Variants in DPP6 observed in about 807,000 individuals in gnomAD.
The protein encoded by DPP6 is dipeptidyl peptidase like 6.
A neutral mutation model predicts 122.6 loss-of-function variants in DPP6; 69 were observed. The ratio of observed to expected loss-of-function variants is 0.56; its 90% CI spans 0.46 to 0.69. DPP6 has a LOEUF of 0.69. Ranked by LOEUF, DPP6 falls within the 30% of genes least tolerant of loss-of-function variation. The probability of loss-of-function intolerance (pLI) is 0.00; values close to 1 mark genes in which losing one functional copy is unlikely to be tolerated. For missense variants in DPP6, 928 were observed against 1,116.9 expected (o/e 0.83, Z 2.41); for synonymous variants, 418 against 433.1 (o/e 0.97, Z 0.43).
intron 1 of DPP6, among the ~76,000 whole-genome samples, chr7:154,153,566 C>A (rs1796531370): frequency 6.6e-6 from 1 of 152,130 alleles, no homozygotes; most frequent in Non-Finnish European, 1.5e-5. Context: ...CTGAAATGGC[C>A]ACAGCTGACA....
chr7:154,087,433 A>G (rs2150542026), intron 1 of DPP6, among the ~76,000 whole-genome samples: 1 of 152,348 alleles, frequency 6.6e-6, no homozygotes, highest in African/African-American at 2.4e-5. Context: ...GAAGGACTGA[A>G]TATGGGTTGG....
chr7:153,942,656 GC>G (rs1179510955), intron 1 of DPP6, among the ~76,000 whole-genome samples: 1 of 152,166 alleles, frequency 6.6e-6, no homozygotes, highest in Non-Finnish European at 1.5e-5. Context: ...GTACATCTAG[GC>G]CTGTCTGTGT....
rs369580371 is a variant in DPP6, at chr7:153,888,811, G to C, written c.51+1077G>C. 1.8e-4 allele frequency among the ~76,000 whole-genome samples: 27 copies of C among 147,758 alleles called. No homozygotes were observed. The East Asian group carries it at 5.0e-3, about 28-fold the overall frequency. Reference sequence around the variant, plus strand: ...TGCAGATGCTACTTTTGAGGGTTCCGTAAGAATTGAAGAAATTCTTTCAGG... The same window carrying C: ...TGCAGATGCTACTTTTGAGGGTTCCCTAAGAATTGAAGAAATTCTTTCAGG... On this transcript the variant is annotated intron_variant, in intron 1 of 25. Transcript: ENST00000404039.
intron 1 of DPP6, among the ~76,000 whole-genome samples, chr7:154,274,479 A>C (rs1803998200): frequency 1.3e-5 from 2 of 152,158 alleles, no homozygotes; most frequent in African/African-American, 4.8e-5. Context: ...CCTGCCTGTC[A>C]ACATGGCCAC....
intron 6 of DPP6, among the ~76,000 whole-genome samples, chr7:154,654,420 T>G (rs1487201880): frequency 7.2e-6 from 1 of 139,026 alleles, no homozygotes; most frequent in Non-Finnish European, 1.6e-5. Context: ...TTTCTTTCTT[T>G]CTTTCTTTCT....
chr7:154,287,180 A>G (rs1251852395), intron 1 of DPP6, among the ~76,000 whole-genome samples: 4 of 152,230 alleles, frequency 2.6e-5, no homozygotes, highest in Non-Finnish European at 5.9e-5. Flanking sequence ...CCCAACAGGA[A>G]GACATCTTAC....
intron 1 of DPP6, among the ~76,000 whole-genome samples, chr7:153,908,162 C>G (rs190710267): frequency 1.3e-5 from 2 of 151,776 alleles, no homozygotes; most frequent in Admixed American, 6.6e-5. Flanking sequence ...CGTGCATCAC[C>G]ACTTGTGCAA....
At chr7:154,308,979 C>G (rs533324639) in intron 1 of DPP6, among the ~76,000 whole-genome samples, 3 of 152,218 alleles carry the variant, frequency 2.0e-5, no homozygotes, top group Non-Finnish European at 4.4e-5. Flanking sequence ...CAAATGCACA[C>G]ACGTGAACAG....
At chr7:154,853,755 C>T in intron 16 of DPP6, 25 bp from the exon 17 acceptor site, 1 of 1,605,800 alleles carries the variant, frequency 6.2e-7, no homozygotes. Flanking sequence ...TTGTTTTCTT[C>T]CTGGCTATTC....
intron 1 of DPP6, among the ~76,000 whole-genome samples, chr7:153,970,502 G>A (rs541334262): frequency 3.7e-4 from 57 of 152,224 alleles, no homozygotes; most frequent in African/African-American, 1.4e-3. Flanking sequence ...TTTTCACCAA[G>A]TCTAATTTAT....
rs73726865 is a variant in DPP6 at position 154,403,879 on chromosome 7, C to T, written c.244-42335C>T. 0.088 allele frequency among the ~76,000 whole-genome samples: 13,462 copies of T among 152,202 alleles called. 686 individuals are homozygous for T. Among genetic ancestry groups the T allele is most frequent in the East Asian group, 0.12 (644 of 5,174 alleles). ...TCTTTCTTTGGAAGCATTTCATTTC[C>T]TTTTCTAGAAAATTTGGAGCTGAAG... is the stretch of plus-strand genomic sequence containing the variant. On this transcript the variant is annotated intron_variant, in intron 1 of 25. Coordinates refer to ENST00000377770, the MANE Select transcript of DPP6 (RefSeq NM_130797.4). The surrounding 1 kb of genome is among the most constrained non-coding windows in gnomAD (Gnocchi z 4.1).
At chr7:154,730,430 A>G (rs891104532) in intron 8 of DPP6, among the ~76,000 whole-genome samples, 7 of 152,306 alleles carry the variant, frequency 4.6e-5, no homozygotes, top group African/African-American at 1.7e-4. Context: ...CTTCCTGAGG[A>G]CTGTGTGAGA....
intron 1 of DPP6, among the ~76,000 whole-genome samples, chr7:154,346,514 C>T (rs1810410227): frequency 6.6e-6 from 1 of 152,094 alleles, no homozygotes; most frequent in African/African-American, 2.4e-5. Flanking sequence ...ACCATGTTGG[C>T]CAGGCTGCTC....
At chr7:154,196,522 TAGTGA>T (rs1432027250) in intron 1 of DPP6, among the ~76,000 whole-genome samples, 1 of 152,182 alleles carries the variant, frequency 6.6e-6, no homozygotes, top group Non-Finnish European at 1.5e-5. Context: ...AATGTTCATT[TAGTGA>T]ATGAGTAAAT....
chr7:154,385,368 G>GGAGAATCAAGAACTTCA (rs1389462696), intron 1 of DPP6, among the ~76,000 whole-genome samples: 8 of 152,148 alleles, frequency 5.3e-5, no homozygotes, highest in Admixed American at 5.2e-4. Context: ...AGTTCTTCAG[G>GGAGAATCAAGAACTTCA]GAGAGAAGAC....
chr7:153,897,485 A>C (rs1584999551), intron 1 of DPP6, among the ~76,000 whole-genome samples: 1 of 152,336 alleles, frequency 6.6e-6, no homozygotes, highest in East Asian at 1.9e-4. Flanking sequence ...GAAGATACAT[A>C]TACATACCTC....
rs189058086 is a variant in DPP6, at chr7:153,906,626, T to A, written c.51+18892T>A. 1.5e-3 allele frequency among the ~76,000 whole-genome samples: 221 copies of A among 152,232 alleles called. 2 individuals carry two copies. The highest frequency in any genetic ancestry group is 3.4e-3 in the Middle Eastern group (1 of 294). On this transcript the variant is annotated intron_variant, in intron 1 of 25. Coordinates refer to the DPP6 transcript ENST00000404039. Reference sequence around the variant, plus strand: ...TTACCATGTCTAGTTAATTTTTGTATTTTTTTGTAGAGACAGGGTTTCTCC... The same window carrying A: ...TTACCATGTCTAGTTAATTTTTGTAATTTTTTGTAGAGACAGGGTTTCTCC...
chr7:153,786,814 G>C, the DPP6 span, among the ~76,000 whole-genome samples: 41,736 of 114,310 alleles, frequency 0.37, 7,819 homozygotes, highest in Middle Eastern at 0.47. Context: ...CTTTTTATAT[G>C]TATACTAATA....
the DPP6 span, among the ~76,000 whole-genome samples, chr7:153,829,861 C>T: frequency 6.6e-6 from 1 of 152,194 alleles, no homozygotes; most frequent in Admixed American, 6.5e-5. Context: ...CAACCTTAGG[C>T]ATAGACAGCG....
Sources: gnomAD v4.1 joint callset for allele counts (sites outside exome capture counted in the v4.1 genomes callset) on GRCh38, gnomAD v4.1.1 for gene constraint, Gnocchi (gnomAD v3.1) non-coding constraint, MANE v1.5 for transcripts, NCBI Gene and HGNC (gene_info 2026-07-23, HGNC 2026-07-21) for gene names.